Variants in AKAP7 observed in about 807,000 individuals in gnomAD.
AKAP7 encodes A-kinase anchoring protein 7.
AKAP7 carries 39 observed loss-of-function variants against 39.5 expected under a neutral mutation model. That is an observed-to-expected ratio of 0.99 (90% CI 0.76 to 1.29). The LOEUF (loss-of-function observed/expected upper bound fraction) is 1.29, where lower values mean the gene tolerates loss of function less well. Among genes scored for constraint, AKAP7 ranks in the 50% most tolerant of loss-of-function variants. AKAP7 has a pLI of 0.00. For synonymous variants in AKAP7, 140 were observed against 139.1 expected (o/e 1.01, Z -0.05); for missense variants, 414 against 407.7 (o/e 1.02, Z -0.13).
At chr6:131,129,123 C>G in the AKAP7 span, among the ~76,000 whole-genome samples, 4 of 151,760 alleles carry the variant, frequency 2.6e-5, no homozygotes, top group Non-Finnish European at 5.9e-5. Context: ...TTGGTCTCTA[C>G]TAAAAATACA....
chr6:131,188,544 GT>G (rs1806096103), intron 5 of AKAP7, among the ~76,000 whole-genome samples: 1 of 151,622 alleles, frequency 6.6e-6, no homozygotes. Flanking sequence ...TGTTGTTGTT[GT>G]TTTGTTTTTT....
chr6:131,233,858 A>G (rs941559610), intron 7 of AKAP7, among the ~76,000 whole-genome samples: 1 of 152,206 alleles, frequency 6.6e-6, no homozygotes, highest in African/African-American at 2.4e-5. Context: ...TCTATTTTGC[A>G]TTAAATTGTA....
chr6:131,193,507 C>T (rs1038998184), intron 5 of AKAP7, among the ~76,000 whole-genome samples: 1 of 151,904 alleles, frequency 6.6e-6, no homozygotes, highest in African/African-American at 2.4e-5. Flanking sequence ...AGATATTGGC[C>T]TGTAGTTTTC....
rs1305531898 is a variant in AKAP7, at chr6:131,282,619, T to C, written c.*893T>C. Reference sequence around the variant, plus strand: ...CTTTGACATAAGCTCTACATTGCGATTGTGACAACATAGCTTATGAAATCT... The same window carrying C: ...CTTTGACATAAGCTCTACATTGCGACTGTGACAACATAGCTTATGAAATCT... On this transcript the variant is annotated 3_prime_UTR_variant, in exon 8 of 8. Coordinates refer to ENST00000431975, the MANE Select transcript of AKAP7 (RefSeq NM_016377.4). 3 of 1,520,618 alleles carry C rather than the reference T, an allele frequency of 2.0e-6. No homozygotes were observed. Among genetic ancestry groups the C allele is most frequent in the Admixed American group, 3.9e-5 (2 of 50,686 alleles). The allele number at this position is 1,520,618 out of a possible 1,614,324, so 94.2% of individuals were successfully genotyped here. A position where few individuals can be genotyped will look rare whatever the true frequency, so the allele number is the denominator to read the frequency against.
intron 5 of AKAP7, among the ~76,000 whole-genome samples, chr6:131,184,091 G>T (rs76670887): frequency 0.1 from 15,918 of 152,236 alleles, 1,187 homozygotes; most frequent in Non-Finnish European, 0.15. Flanking sequence ...GAGAAACTGG[G>T]CCCACAGGTA....
At chr6:131,136,274 G>T (rs887654720) in intron 1 of AKAP7, among the ~76,000 whole-genome samples, 1 of 152,148 alleles carries the variant, frequency 6.6e-6, no homozygotes, top group Non-Finnish European at 1.5e-5. Flanking sequence ...CTACACTAGC[G>T]CCCGGAATGA....
At chr6:131,256,512 A>T (rs981660674) in intron 7 of AKAP7, among the ~76,000 whole-genome samples, 2 of 152,172 alleles carry the variant, frequency 1.3e-5, no homozygotes, top group African/African-American at 4.8e-5. Context: ...GCAAGGTTGT[A>T]GAATTATTCC....
At chr6:131,217,035 T>C (rs1298750446) in intron 6 of AKAP7, among the ~76,000 whole-genome samples, 4 of 152,198 alleles carry the variant, frequency 2.6e-5, no homozygotes, top group African/African-American at 9.6e-5. Flanking sequence ...TATACCTCCA[T>C]TGATAGTTAA....
upstream of AKAP7, among the ~76,000 whole-genome samples, chr6:131,131,638 G>C (rs908633715): frequency 3.5e-4 from 53 of 152,172 alleles, no homozygotes; most frequent in African/African-American, 1.2e-3. Flanking sequence ...CATAGTCTTT[G>C]CCTTCTAGTG....
chr6:131,152,858 C>G (rs9483226), intron 2 of AKAP7, among the ~76,000 whole-genome samples: 94,715 of 145,998 alleles, frequency 0.65, 31,401 homozygotes, highest in African/African-American at 0.77. Flanking sequence ...TCCGGGCGCG[C>G]TGGCTCACGC....
chr6:131,262,383 G>A (rs1813419035), intron 7 of AKAP7, among the ~76,000 whole-genome samples: 1 of 152,136 alleles, frequency 6.6e-6, no homozygotes, highest in Non-Finnish European at 1.5e-5. Flanking sequence ...TGGGCTTGGA[G>A]CTGAGGGGCA....
chr6:131,247,297 A>T lies in AKAP7; in HGVS notation c.850+27489A>T, dbSNP rs371278991. On this transcript the variant is annotated intron_variant, in intron 7 of 7. Coordinates refer to ENST00000431975, the MANE Select transcript of AKAP7 (RefSeq NM_016377.4). ...TATATATATATATATATATATATAT[A>T]TATATATATATATATATGTTTTTTT... Among the ~76,000 whole-genome samples, 7 of 84,974 alleles carry T rather than the reference A, an allele frequency of 8.2e-5. 1 individual carries two copies. Among genetic ancestry groups the T allele is most frequent in the African/African-American group, 2.2e-4 (4 of 18,596 alleles). The allele number at this position is 84,974 out of a possible 152,430, so 55.7% of individuals were successfully genotyped here.
At chr6:131,175,292 C>T (rs1804470263) in intron 5 of AKAP7, among the ~76,000 whole-genome samples, 1 of 151,956 alleles carries the variant, frequency 6.6e-6, no homozygotes, top group Non-Finnish European at 1.5e-5. Flanking sequence ...GGCAGGCACA[C>T]GTGTGTAACT....
At chr6:131,159,151 T>C (rs1802699040) in intron 2 of AKAP7, among the ~76,000 whole-genome samples, 2 of 152,184 alleles carry the variant, frequency 1.3e-5, no homozygotes, top group South Asian at 2.1e-4. Context: ...TGGACTGCAG[T>C]GGCGCCATCT....
chr6:131,233,962 ATTG>A (rs1810830380), intron 7 of AKAP7, among the ~76,000 whole-genome samples: 1 of 152,118 alleles, frequency 6.6e-6, no homozygotes, highest in African/African-American at 2.4e-5. Context: ...TGCACCCTTT[ATTG>A]TTATATAGTT....
At chr6:131,185,053 G>A in intron 5 of AKAP7, 1 of 719,894 alleles carries the variant, frequency 1.4e-6, no homozygotes, top group African/African-American at 1.7e-5. Context: ...TTTGTCACAG[G>A]AAACTTGCCC....
chr6:131,230,000 T>A (rs1810504884), intron 7 of AKAP7, among the ~76,000 whole-genome samples: 1 of 152,228 alleles, frequency 6.6e-6, no homozygotes, highest in Non-Finnish European at 1.5e-5. Context: ...CATTGATGTG[T>A]ACCTAGGTTG....
intron 5 of AKAP7, among the ~76,000 whole-genome samples, chr6:131,183,800 A>C (rs1052710981): frequency 2.6e-5 from 4 of 152,094 alleles, no homozygotes; most frequent in Admixed American, 2.0e-4. Context: ...AGGGCTGCAG[A>C]GAGCCACTCT....
chr6:131,169,943 TTCTA>T (rs986635137), intron 5 of AKAP7, among the ~76,000 whole-genome samples: 61 of 152,038 alleles, frequency 4.0e-4, no homozygotes, highest in Admixed American at 3.0e-3. Flanking sequence ...TTTTTTTTCT[TTCTA>T]TCTATTATTC....
Sources: gnomAD v4.1 joint callset for allele counts (sites outside exome capture counted in the v4.1 genomes callset) on GRCh38, gnomAD v4.1.1 for gene constraint, MANE v1.5 for transcripts, NCBI Gene and HGNC (gene_info 2026-07-23, HGNC 2026-07-21) for gene names.